DOCK8: variants seen among roughly 807,000 people sequenced by gnomAD.
DOCK8 encodes the protein dedicator of cytokinesis 8.
DOCK8 carries 141 observed loss-of-function variants against 245.6 expected under a neutral mutation model. The ratio of observed to expected loss-of-function variants is 0.57; its 90% confidence interval spans 0.50 to 0.66. The LOEUF is 0.66. Among genes scored for constraint, DOCK8 ranks in the 30% least tolerant of loss-of-function variants. The pLI, the probability that DOCK8 is intolerant of heterozygous loss-of-function variation, is 0.00. For missense variants in DOCK8, 2,965 were observed against 2,603.4 expected, an observed-to-expected ratio of 1.14 and a Z score of -3.02; for synonymous variants, 1,168 against 970.2, an observed-to-expected ratio of 1.20 and a Z score of -3.79.
At position 396,782 on chromosome 9, in the gene DOCK8, C is replaced by T. The variant is rs1409417340; in HGVS notation, c.2971-3C>T. 6.8e-6 allele frequency: 11 copies of T among 1,614,126 alleles called. No individual in the cohort carries two copies. Among genetic ancestry groups the T allele is most frequent in the South Asian group, 4.4e-5 (4 of 91,082 alleles). ...TTGACATTTCCTCCATCCCCCTCCG[C>T]AGGTGAAAAGCATGGCCCAGCACGT... On this transcript the variant is annotated splice_region_variant and splice_polypyrimidine_tract_variant and intron_variant, in intron 24 of 47. Transcript: ENST00000432829.
At chr9:251,161 C>T (rs533986551) in intron 1 of DOCK8, among the ~76,000 whole-genome samples, 1 of 152,300 alleles carries the variant, frequency 6.6e-6, no homozygotes, top group South Asian at 2.1e-4. Context: ...CCCCATCCCA[C>T]ATTCTAGAAA....
At chr9:304,822 CT>C in intron 5 of DOCK8, 118 bp downstream of exon 5, 1 of 1,389,072 alleles carries the variant, frequency 7.2e-7, no homozygotes, top group Non-Finnish European at 1.0e-6. Flanking sequence ...GTAGGAGGAA[CT>C]TTACCATCTG....
chr9:267,618 A>G (rs543681903), intron 1 of DOCK8, among the ~76,000 whole-genome samples: 25 of 152,352 alleles, frequency 1.6e-4, no homozygotes, highest in South Asian at 1.4e-3. Context: ...TCCTTGTAGT[A>G]TATTTCCACG....
chr9:240,957 T>C (rs565375422), intron 1 of DOCK8, among the ~76,000 whole-genome samples: 2 of 151,458 alleles, frequency 1.3e-5, no homozygotes, highest in African/African-American at 4.9e-5. Context: ...TGTTTCTTTT[T>C]CCTCTTATCT....
intron 4 of DOCK8, among the ~76,000 whole-genome samples, chr9:293,692 G>C (rs1042420193): frequency 6.6e-6 from 1 of 152,230 alleles, no homozygotes; most frequent in African/African-American, 2.4e-5. Flanking sequence ...CAGAGGTTCT[G>C]TCCAGATTCA....
chr9:294,389 A>G (rs765977314), intron 4 of DOCK8, among the ~76,000 whole-genome samples: 1 of 152,190 alleles, frequency 6.6e-6, no homozygotes, highest in African/African-American at 2.4e-5. Flanking sequence ...TCCATTACCA[A>G]CTGGGCATTA....
intron 1 of DOCK8, among the ~76,000 whole-genome samples, chr9:263,852 T>A (rs2047978558): frequency 6.6e-6 from 1 of 152,264 alleles, no homozygotes; most frequent in Non-Finnish European, 1.5e-5. Context: ...AGATAATGTG[T>A]CTTTTCCCTG....
chr9:211,921 G>C (rs1332467732), upstream of DOCK8, among the ~76,000 whole-genome samples: 1 of 152,178 alleles, frequency 6.6e-6, no homozygotes, highest in Non-Finnish European at 1.5e-5. Flanking sequence ...ATTATGGAGA[G>C]ATAGCTAGCT....
intron 28 of DOCK8, 42 bp downstream of exon 28, chr9:407,111 A>G (rs1192153549): frequency 6.2e-7 from 1 of 1,613,684 alleles, no homozygotes; most frequent in African/African-American, 1.3e-5. Flanking sequence ...AGCCAAAAAA[A>G]CAGATGTTCT....
intron 21 of DOCK8, 64 bp from the exon 22 acceptor site, chr9:382,449 C>G: frequency 6.2e-7 from 1 of 1,607,428 alleles, no homozygotes; most frequent in Non-Finnish European, 8.5e-7. Context: ...TCAATTCCTT[C>G]TTAAACTCAG....
At chr9:363,542 A>C (rs1228174395) in intron 14 of DOCK8, among the ~76,000 whole-genome samples, 14 of 152,248 alleles carry the variant, frequency 9.2e-5, no homozygotes, top group Admixed American at 7.9e-4. Flanking sequence ...TGCAGATTTA[A>C]CAAAACATAT....
intron 1 of DOCK8, among the ~76,000 whole-genome samples, chr9:256,808 G>A (rs1198164129): frequency 2.0e-5 from 3 of 152,100 alleles, no homozygotes; most frequent in African/African-American, 7.2e-5. Flanking sequence ...GCTTCATGAG[G>A]GCAGAGGCTT....
intron 14 of DOCK8, among the ~76,000 whole-genome samples, chr9:359,088 A>G (rs1311261201): frequency 6.6e-6 from 1 of 152,192 alleles, no homozygotes; most frequent in Non-Finnish European, 1.5e-5. Context: ...CTCCCAGGCA[A>G]TGCTATGCTG....
At chr9:322,459 G>C (rs2050551758) in intron 7 of DOCK8, among the ~76,000 whole-genome samples, 1 of 151,920 alleles carries the variant, frequency 6.6e-6, no homozygotes, top group Non-Finnish European at 1.5e-5. Flanking sequence ...AGATGGCTGG[G>C]CTCAAAACCT....
intron 12 of DOCK8, among the ~76,000 whole-genome samples, chr9:338,581 C>A (rs899181530): frequency 6.6e-6 from 1 of 152,208 alleles, no homozygotes; most frequent in Non-Finnish European, 1.5e-5. Context: ...TTATACTTAA[C>A]CTTGTTCGAG....
At chr9:325,179 A>C (rs961651725) in intron 7 of DOCK8, among the ~76,000 whole-genome samples, 3 of 152,212 alleles carry the variant, frequency 2.0e-5, no homozygotes, top group African/African-American at 7.2e-5. Flanking sequence ...AGTATTCCAT[A>C]GTGTATAGAT....
At chr9:291,249 C>T (rs80001490) in intron 4 of DOCK8, among the ~76,000 whole-genome samples, 2 of 152,042 alleles carry the variant, frequency 1.3e-5, no homozygotes, top group Non-Finnish European at 2.9e-5. Flanking sequence ...TGGCAATGCA[C>T]GCTTCTTGGA....
At chr9:435,355 C>G (rs2056863652) in intron 39 of DOCK8, among the ~76,000 whole-genome samples, 1 of 151,660 alleles carries the variant, frequency 6.6e-6, no homozygotes, top group Non-Finnish European at 1.5e-5. Flanking sequence ...CAAACACTTT[C>G]ACATGCATGG....
At position 329,893 on chromosome 9, in the gene DOCK8, G is replaced by A. The variant is rs186921156; in HGVS notation, c.1044+1722G>A. Among the ~76,000 whole-genome samples, 197 of 152,334 alleles carry A rather than the reference G, an allele frequency of 1.3e-3. 1 individual carries two copies. Among genetic ancestry groups the A allele is most frequent in the African/African-American group, 4.6e-3 (190 of 41,568 alleles). On this transcript the variant is annotated intron_variant, in intron 9 of 47. Coordinates refer to ENST00000432829, the MANE Select transcript of DOCK8 (RefSeq NM_203447.4). ...CAAACATACTAAAGTGTTTGGATAGGTTTAAGAAATTGAAATCTACTCAGC... is the reference window on the plus strand; with the variant it reads ...CAAACATACTAAAGTGTTTGGATAGATTTAAGAAATTGAAATCTACTCAGC...
Sources: allele counts gnomAD v4.1 joint callset (sites outside exome capture counted in the v4.1 genomes callset), GRCh38; gene constraint gnomAD v4.1.1; transcripts MANE v1.5; gene names NCBI Gene and HGNC (gene_info 2026-07-23, HGNC 2026-07-21).